ANGPTL2: variants seen among roughly 807,000 people sequenced by gnomAD.
ANGPTL2 encodes angiopoietin like 2, also known as angiopoietin-related protein 2.
ANGPTL2 carries 25 observed loss-of-function variants against 52.8 expected under a neutral mutation model. The observed-to-expected ratio is 0.47, with a 90% CI of 0.35 to 0.66. The LOEUF (loss-of-function observed/expected upper bound fraction) is 0.66. ANGPTL2 is among the 30% of genes least tolerant of loss of function. The pLI, the probability that ANGPTL2 is intolerant of heterozygous loss-of-function variation, is 0.01. For missense variants in ANGPTL2, 546 were observed against 656.9 expected (o/e 0.83, Z 1.84); for synonymous variants, 276 against 277.4 (o/e 1.00, Z 0.05).
At chr9:127,107,877 C>CT in intron 2 of ANGPTL2, 38 bp downstream of exon 2, 1 of 1,508,414 alleles carries the variant, frequency 6.6e-7, no homozygotes. Context: ...GTGCCTGGCT[C>CT]TGAGACCCAC....
intron 1 of ANGPTL2, among the ~76,000 whole-genome samples, chr9:127,114,154 A>G (rs2055154370): frequency 6.6e-6 from 1 of 152,250 alleles, no homozygotes; most frequent in African/African-American, 2.4e-5. Flanking sequence ...GCCGCCATGC[A>G]TGGTGGCCCC....
intron 1 of ANGPTL2, among the ~76,000 whole-genome samples, chr9:127,112,268 C>CGTT (rs1195303344): frequency 1.3e-5 from 2 of 152,186 alleles, no homozygotes; most frequent in African/African-American, 2.4e-5. Context: ...GTGTTTGCCT[C>CGTT]GTTTCCAACG....
At chr9:127,105,801 C>T (rs780793926) in intron 2 of ANGPTL2, among the ~76,000 whole-genome samples, 10 of 152,232 alleles carry the variant, frequency 6.6e-5, no homozygotes, top group Non-Finnish European at 8.8e-5. Flanking sequence ...GCCGTCTACC[C>T]CAGACTGAGT....
intron 2 of ANGPTL2, among the ~76,000 whole-genome samples, chr9:127,100,402 C>T (rs190966620): frequency 1.5e-3 from 235 of 152,306 alleles, no homozygotes; most frequent in African/African-American, 5.2e-3. Context: ...CATTGCAGCA[C>T]TACTTTCCAG....
rs565019913 is a variant in ANGPTL2, at chr9:127,122,035, G to A, written c.-50+280C>T. Among the ~76,000 whole-genome samples the A allele has an allele frequency of 1.6e-4, 24 of 152,250 alleles. No homozygotes were observed. The highest frequency in any genetic ancestry group is 4.2e-4 in the South Asian group (2 of 4,818). ...TCTGCCGTGCCGGGAGCTGCCGGCC[G>A]GCACCCCAAAGGCTCTTTGTCCAAA... On this transcript the variant is annotated intron_variant, in intron 1 of 4. Coordinates refer to ENST00000373425, the MANE Select transcript of ANGPTL2 (RefSeq NM_012098.3). This position sits in a 1 kb window ranked among gnomAD's most constrained non-coding sequence, Gnocchi z 6.4.
intron 3 of ANGPTL2, among the ~76,000 whole-genome samples, chr9:127,092,430 A>G (rs918946914): frequency 2.4e-4 from 36 of 151,870 alleles, no homozygotes; most frequent in Non-Finnish European, 7.4e-5. Flanking sequence ...CTAGGTCTAA[A>G]ACCCAGTGGT....
Position 127,091,572 on chromosome 9 carries a change from T to G in ANGPTL2, c.1282+98A>C, listed in dbSNP as rs1238220687. 6 of 1,500,178 alleles carry G rather than the reference T, an allele frequency of 4.0e-6. No individual in the cohort carries two copies. Among genetic ancestry groups the G allele is most frequent in the Non-Finnish European group, 5.4e-6 (6 of 1,117,412 alleles). 92.9% of individuals were successfully genotyped at this position (1,500,178 alleles called of 1,614,324 possible). On this transcript the variant is annotated intron_variant, in intron 4 of 4. Coordinates refer to ENST00000373425, the MANE Select transcript of ANGPTL2 (RefSeq NM_012098.3). The surrounding 1 kb of genome is among the most constrained non-coding windows in gnomAD (Gnocchi z 4.3). ...AGCTTGGCCCAGCTGCTTCTCACCC[T>G]GGGATCTTCCCGTTTCCAAGCCCTG...
At chr9:127,099,950 T>C (rs1447860826) in intron 2 of ANGPTL2, among the ~76,000 whole-genome samples, 2 of 152,220 alleles carry the variant, frequency 1.3e-5, no homozygotes, top group African/African-American at 4.8e-5. Context: ...GTTTGAGGCC[T>C]AAAAAGACTT....
At chr9:127,101,493 G>C (rs759813683) in intron 2 of ANGPTL2, among the ~76,000 whole-genome samples, 13 of 151,944 alleles carry the variant, frequency 8.6e-5, no homozygotes, top group Non-Finnish European at 1.5e-4. Flanking sequence ...CTCTATCCTT[G>C]ACCCTCCATC....
intron 2 of ANGPTL2, among the ~76,000 whole-genome samples, chr9:127,094,906 C>T (rs575439721): frequency 3.3e-5 from 5 of 152,312 alleles, no homozygotes; most frequent in South Asian, 4.1e-4. Context: ...TGCCCATCAA[C>T]TCTGCCCTCC....
chr9:127,096,554 C>T (rs183733792), intron 2 of ANGPTL2, among the ~76,000 whole-genome samples: 227 of 152,306 alleles, frequency 1.5e-3, no homozygotes, highest in African/African-American at 5.1e-3. Context: ...CAGTTGGCCT[C>T]GTGGCTCCAG....
intron 2 of ANGPTL2, among the ~76,000 whole-genome samples, chr9:127,096,354 G>A (rs753574923): frequency 6.6e-6 from 1 of 152,256 alleles, no homozygotes; most frequent in Non-Finnish European, 1.5e-5. Context: ...CAGCACAGGA[G>A]AGGCCGTTCG....
chr9:127,107,122 G>A (rs965270179), intron 2 of ANGPTL2: 2 of 152,228 alleles, frequency 1.3e-5, no homozygotes, highest in Non-Finnish European at 2.9e-5. Context: ...GCATAGAGAA[G>A]TCAGCCAGAG....
chr9:127,100,279 G>A (rs1180151089), intron 2 of ANGPTL2, among the ~76,000 whole-genome samples: 1 of 152,158 alleles, frequency 6.6e-6, no homozygotes, highest in African/African-American at 2.4e-5. Flanking sequence ...GTGTGAGGTA[G>A]GTCATTTCAA....
intron 1 of ANGPTL2, among the ~76,000 whole-genome samples, chr9:127,118,167 G>A (rs1478739530): frequency 6.6e-6 from 1 of 152,160 alleles, no homozygotes; most frequent in East Asian, 1.9e-4. Flanking sequence ...GGATTCTCCT[G>A]CCACACCCAA....
intron 1 of ANGPTL2, among the ~76,000 whole-genome samples, chr9:127,111,568 G>C (rs1330760260): frequency 6.6e-6 from 1 of 152,252 alleles, no homozygotes. Context: ...GTGACTGCCT[G>C]AGGAGGTCAG....
chr9:127,090,782 G>A (rs1002151769), intron 4 of ANGPTL2, among the ~76,000 whole-genome samples: 1 of 152,222 alleles, frequency 6.6e-6, no homozygotes, highest in Non-Finnish European at 1.5e-5. Context: ...CCGTCAGGTG[G>A]TGCCAGCCTC....
intron 3 of ANGPTL2, among the ~76,000 whole-genome samples, chr9:127,092,622 G>A (rs1018172000): frequency 1.3e-5 from 2 of 152,054 alleles, no homozygotes; most frequent in Admixed American, 6.6e-5. Context: ...ATGTCAACTC[G>A]AAGAACTAAG....
At chr9:127,117,030 AC>A (rs537041214) in intron 1 of ANGPTL2, among the ~76,000 whole-genome samples, 1,526 of 152,240 alleles carry the variant, frequency 0.01, 11 homozygotes, top group Middle Eastern at 0.02. Context: ...TCTGTCTGAC[AC>A]CCACATCTGA....
Sources: allele counts gnomAD v4.1 joint callset (sites outside exome capture counted in the v4.1 genomes callset), GRCh38; gene constraint gnomAD v4.1.1; non-coding constraint Gnocchi (gnomAD v3.1); transcripts MANE v1.5; gene names NCBI Gene and HGNC (gene_info 2026-07-23, HGNC 2026-07-21).